Variants in C4orf50 observed in about 807,000 individuals in gnomAD.
C4orf50 encodes the protein uncharacterized protein C4orf50.
Under a neutral mutation model 77.2 loss-of-function variants are expected in C4orf50, and 80 were observed. The ratio of observed to expected loss-of-function variants is 1.04; its 90% confidence interval spans 0.87 to 1.25. C4orf50 has a LOEUF of 1.25. Ranked by LOEUF, C4orf50 falls within the 50% of genes most tolerant of loss-of-function variation. C4orf50 has a pLI of 0.00. For synonymous variants in C4orf50, 532 were observed against 465.3 expected, an observed-to-expected ratio of 1.14 and a Z score of -1.84; for missense variants, 1,257 against 1,152.9, an observed-to-expected ratio of 1.09 and a Z score of -1.31.
At chr4:5,907,780 C>T (rs1267514311) in intron 7 of C4orf50, among the ~76,000 whole-genome samples, 1 of 152,080 alleles carries the variant, frequency 6.6e-6, no homozygotes, top group East Asian at 1.9e-4. Flanking sequence ...GCAATAGGGC[C>T]AGGGGTCTTG....
intron 31 of C4orf50, among the ~76,000 whole-genome samples, 195 bp downstream of exon 9, chr4:5,973,464 C>G (rs1166342284): frequency 2.0e-5 from 3 of 152,226 alleles, no homozygotes; most frequent in Non-Finnish European, 4.4e-5. Context: ...GTAAGGATTG[C>G]CAGATGCATC....
intron 7 of C4orf50, among the ~76,000 whole-genome samples, chr4:5,926,485 T>C (rs1242539284): frequency 6.6e-6 from 1 of 152,166 alleles, no homozygotes; most frequent in African/African-American, 2.4e-5. Context: ...GGGGACAGTG[T>C]TCCTTTTTAG....
At chr4:5,965,913 C>G (rs574452699) in intron 32 of C4orf50, among the ~76,000 whole-genome samples, 2 of 152,138 alleles carry the variant, frequency 1.3e-5, no homozygotes, top group Non-Finnish European at 2.9e-5. Flanking sequence ...TAATAAGAAC[C>G]ACTAGATGAA....
At chr4:5,943,223 GCTT>G (rs1470677589) in intron 7 of C4orf50, among the ~76,000 whole-genome samples, 3 of 152,158 alleles carry the variant, frequency 2.0e-5, no homozygotes, top group African/African-American at 4.8e-5. Flanking sequence ...CCCGCAGTAG[GCTT>G]CTTCTTAAAG....
rs953443218 is a variant in C4orf50, at chr4:5,997,584, A to C, written c.964-3108T>G. On this transcript the variant is annotated intron_variant, in intron 25 of 33. Transcript: ENST00000531445. ...CCTGCCTGCTCTATCAGTCCATCCTACATTTCAACCCTCAAGAAAACATTT... is the reference window on the plus strand; with the variant it reads ...CCTGCCTGCTCTATCAGTCCATCCTCCATTTCAACCCTCAAGAAAACATTT... 3.3e-5 allele frequency among the ~76,000 whole-genome samples: 5 copies of C among 152,306 alleles called. No homozygotes were observed. The East Asian group carries it at 9.6e-4, about 29-fold the overall frequency.
At position 6,011,574 on chromosome 4, in the gene C4orf50, C is replaced by T. The variant is rs1722495173; in HGVS notation, c.426+256G>A. On this transcript the variant is annotated intron_variant, in intron 24 of 33. Coordinates refer to ENST00000531445, the Ensembl canonical transcript of C4orf50. This position sits in a 1 kb window ranked among gnomAD's most constrained non-coding sequence, Gnocchi z 4.2. ...GAGCCCTGCATCAGCCAACTCCTGT[C>T]CTCAGTCTGTGGCCTGGCGCTGAGG... Among the ~76,000 whole-genome samples, 1 of 152,152 alleles carries T rather than the reference C, an allele frequency of 6.6e-6. No individual in the cohort carries two copies. The highest frequency in any genetic ancestry group is 2.4e-5 in the African/African-American group (1 of 41,442).
intron 7 of C4orf50, among the ~76,000 whole-genome samples, chr4:5,937,397 T>C (rs1718072927): frequency 2.0e-5 from 3 of 152,050 alleles, no homozygotes; most frequent in Admixed American, 2.0e-4. Flanking sequence ...ACTAAAATAA[T>C]GGAAATATAA....
Position 6,008,337 on chromosome 4 carries a change from T to C in C4orf50, c.622A>G (p.Asn208Asp), listed in dbSNP as rs766532744. 2.6e-6 allele frequency: 1 copy of C among 389,570 alleles called. No individual in the cohort carries two copies. Among genetic ancestry groups the C allele is most frequent in the African/African-American group, 2.1e-5 (1 of 48,220 alleles). 24.1% of individuals were successfully genotyped at this position (389,570 alleles called of 1,614,324 possible). A position where few individuals can be genotyped will look rare whatever the true frequency, so the allele number is the denominator to read the frequency against. ...GCGGCGCGGCAGAGGCGCCGCACGTTGCGCTCCAGCCGCTGCACCTGCTCC... is the reference window on the plus strand; with the variant it reads ...GCGGCGCGGCAGAGGCGCCGCACGTCGCGCTCCAGCCGCTGCACCTGCTCC... Residue 208 changes from asparagine to aspartate, a missense_variant, in exon 25 of 34, where the codon AAC becomes GAC. Asn to Asp is a conservative substitution (Grantham distance 23). Transcript: ENST00000531445. This position sits in a 1 kb window ranked among gnomAD's most constrained non-coding sequence, Gnocchi z 6.0.
rs1424216373 is a variant in C4orf50, at chr4:6,007,852, G to A, written c.963+144C>T. 2.5e-6 allele frequency: 1 copy of A among 397,444 alleles called. No homozygotes were observed. 24.6% of individuals were successfully genotyped at this position (397,444 alleles called of 1,614,324 possible). ...GGGTGGGGAGGTGAGTAGATGCAGTGAAGGACGATGGACAGGGCTGGCAGG... is the reference window on the plus strand; with the variant it reads ...GGGTGGGGAGGTGAGTAGATGCAGTAAAGGACGATGGACAGGGCTGGCAGG... On this transcript the variant is annotated intron_variant, in intron 25 of 33. Coordinates refer to ENST00000531445, the Ensembl canonical transcript of C4orf50. The surrounding 1 kb of genome is among the most constrained non-coding windows in gnomAD (Gnocchi z 4.1).
intron 7 of C4orf50, among the ~76,000 whole-genome samples, chr4:5,921,286 C>T (rs747245793): frequency 2.6e-5 from 4 of 151,782 alleles, no homozygotes; most frequent in Admixed American, 6.6e-5. Flanking sequence ...TCAGTCCTGC[C>T]GTGCAAGTGG....
At chr4:5,988,568 C>T (rs1020200883) in exon 28 of C4orf50, 2 of 1,536,792 alleles carry the variant, frequency 1.3e-6, no homozygotes, top group African/African-American at 2.7e-5. Flanking sequence ...GTCTGCCCTG[C>T]AGCCAGACTC....
chr4:5,978,509 AG>A (rs1346393357), intron 29 of C4orf50, among the ~76,000 whole-genome samples: 1 of 152,370 alleles, frequency 6.6e-6, no homozygotes, highest in African/African-American at 2.4e-5. Context: ...ATATACTTAA[AG>A]TCTAATTCAT....
intron 7 of C4orf50, among the ~76,000 whole-genome samples, chr4:5,923,124 C>T (rs890980797): frequency 6.6e-6 from 1 of 152,162 alleles, no homozygotes; most frequent in Non-Finnish European, 1.5e-5. Flanking sequence ...AGGGACCTGA[C>T]ATTTTGCACG....
At chr4:5,995,470 T>G (rs1374328590) in intron 25 of C4orf50, among the ~76,000 whole-genome samples, 3 of 90,460 alleles carry the variant, frequency 3.3e-5, no homozygotes, top group Non-Finnish European at 6.5e-5. Context: ...GGCTTGGGAC[T>G]GGAAACACAC....
At chr4:5,962,502 T>G (rs969979836) in intron 33 of C4orf50, among the ~76,000 whole-genome samples, 1 of 152,226 alleles carries the variant, frequency 6.6e-6, no homozygotes, top group Non-Finnish European at 1.5e-5. Context: ...CAGCAGACAT[T>G]AGAGGGTTTG....
chr4:5,921,758 T>C (rs552166093), intron 7 of C4orf50, among the ~76,000 whole-genome samples: 4 of 152,018 alleles, frequency 2.6e-5, no homozygotes, highest in Non-Finnish European at 5.9e-5. Flanking sequence ...TGGGTGGATA[T>C]AAGAAGTATT....
intron 7 of C4orf50, among the ~76,000 whole-genome samples, chr4:5,922,943 G>A (rs978489831): frequency 2.0e-5 from 3 of 152,160 alleles, no homozygotes; most frequent in Non-Finnish European, 4.4e-5. Context: ...TTCTCTCCCA[G>A]CTGCCCTAAA....
intron 7 of C4orf50, among the ~76,000 whole-genome samples, chr4:5,926,961 C>T (rs891123932): frequency 6.6e-6 from 1 of 152,176 alleles, no homozygotes; most frequent in Non-Finnish European, 1.5e-5. Context: ...ATAGAAGTTC[C>T]TGCTCTTATG....
exon 31 of C4orf50, chr4:5,973,827 G>T (rs777578965): frequency 2.8e-5 from 45 of 1,611,898 alleles, no homozygotes; most frequent in Non-Finnish European, 3.6e-5. Flanking sequence ...TCCGGACGAG[G>T]GAAGCTATCT....
Sources: allele counts gnomAD v4.1 joint callset (sites outside exome capture counted in the v4.1 genomes callset), GRCh38; gene constraint gnomAD v4.1.1; non-coding constraint Gnocchi (gnomAD v3.1); transcripts MANE v1.5; gene names NCBI Gene and HGNC (gene_info 2026-07-23, HGNC 2026-07-21).